WRN: variants seen among roughly 807,000 people sequenced by gnomAD.
The protein encoded by WRN is WRN RecQ like helicase.
WRN carries 149 observed loss-of-function variants against 180.7 expected under a neutral mutation model. The ratio of observed to expected loss-of-function variants is 0.82; its 90% CI spans 0.72 to 0.94. The LOEUF (loss-of-function observed/expected upper bound fraction) is 0.94. Ranked by LOEUF, WRN falls within the 40% of genes least tolerant of loss-of-function variation. The pLI is 0.00. For synonymous variants in WRN, 548 were observed against 568.9 expected, an observed-to-expected ratio of 0.96 and a Z score of 0.52; for missense variants, 1,661 against 1,700.1, an observed-to-expected ratio of 0.98 and a Z score of 0.40.
At chr8:31,037,022 A>C (rs931769857) in intron 1 of WRN, among the ~76,000 whole-genome samples, 3 of 152,184 alleles carry the variant, frequency 2.0e-5, no homozygotes, top group African/African-American at 7.2e-5. Flanking sequence ...GTTTCAGGAT[A>C]TTTCAAGCGC....
intron 23 of WRN, among the ~76,000 whole-genome samples, chr8:31,130,090 G>A (rs1412430089): frequency 2.0e-5 from 3 of 150,838 alleles, no homozygotes; most frequent in Admixed American, 2.0e-4. Flanking sequence ...TTGGGAGACT[G>A]AGGAGAGAGG....
chr8:31,069,672 GATTTGAT>G (rs1812834854), intron 7 of WRN, among the ~76,000 whole-genome samples: 1 of 152,142 alleles, frequency 6.6e-6, no homozygotes, highest in African/African-American at 2.4e-5. Context: ...ATCATCTATG[GATTTGAT>G]ATCAGTGGGA....
At chr8:31,165,006 T>G (rs1803796302) in intron 33 of WRN, among the ~76,000 whole-genome samples, 1 of 152,106 alleles carries the variant, frequency 6.6e-6, no homozygotes, top group South Asian at 2.1e-4. Context: ...AATTTTTAAC[T>G]TATATCTAGA....
At chr8:31,168,487 T>C (rs1012681768) in intron 34 of WRN, among the ~76,000 whole-genome samples, 1 of 130,724 alleles carries the variant, frequency 7.6e-6, no homozygotes. Context: ...TCAGTAACAT[T>C]ACATGTCAAC....
chr8:31,137,699 T>C (rs1802450737), intron 24 of WRN, among the ~76,000 whole-genome samples: 1 of 152,128 alleles, frequency 6.6e-6, no homozygotes, highest in Non-Finnish European at 1.5e-5. Context: ...GATAAGTAAC[T>C]TGCCAGAGCT....
At chr8:31,035,100 C>A (rs1449650233) in intron 1 of WRN, among the ~76,000 whole-genome samples, 1 of 152,018 alleles carries the variant, frequency 6.6e-6, no homozygotes, top group Non-Finnish European at 1.5e-5. Context: ...ATTAATCCAA[C>A]AAATGTTTAT....
At chr8:31,039,587 G>A (rs2129907920) in intron 1 of WRN, among the ~76,000 whole-genome samples, 1 of 152,196 alleles carries the variant, frequency 6.6e-6, no homozygotes, top group Middle Eastern at 3.4e-3. Context: ...TCAATATGAT[G>A]TTGAAAAGCA....
In WRN at chr8:31,147,134, G is replaced by A. The variant is rs781501590; in HGVS notation, c.3459+6G>A. On this transcript the variant is annotated splice_donor_region_variant and intron_variant, in intron 29 of 34. Coordinates refer to ENST00000298139, the MANE Select transcript of WRN (RefSeq NM_000553.6). ...CACAAGAGCAGGAGACTCAGGTAAG[G>A]CTTTTGTAAAAAGGTAATTAGTTTA... The A allele has an allele frequency of 6.2e-7, 1 of 1,613,468 alleles. No homozygotes were observed. The highest frequency in any genetic ancestry group is 8.5e-7 in the Non-Finnish European group (1 of 1,179,504).
intron 5 of WRN, among the ~76,000 whole-genome samples, chr8:31,065,548 C>T (rs1812663857): frequency 6.6e-6 from 1 of 152,118 alleles, no homozygotes; most frequent in Non-Finnish European, 1.5e-5. Context: ...CATCCATGTC[C>T]CTGCAAAGGA....
chr8:31,093,878 T>A (rs1813854947), intron 16 of WRN, among the ~76,000 whole-genome samples: 1 of 152,230 alleles, frequency 6.6e-6, no homozygotes, highest in Admixed American at 6.5e-5. Context: ...TTTGTCTGAT[T>A]TAAATAATGC....
At chr8:31,092,200 A>T (rs1813774732) in intron 16 of WRN, among the ~76,000 whole-genome samples, 1 of 152,118 alleles carries the variant, frequency 6.6e-6, no homozygotes. Context: ...GGGCTATAAG[A>T]TTAGCATTGT....
At position 31,141,434 on chromosome 8, in the gene WRN, C is replaced by G; in HGVS notation, c.2972C>G (p.Ser991Cys). The part of the protein sequence containing the change: ...LPILFLRGSN[S>C]QRLADQYRRH... The stretch of plus-strand genomic sequence containing the variant: ...TGATTTTATTCCTAATTTCAGAATT[C>G]TCAGCGTCTTGCCGATCAATATCGC... The change falls in exon 25 of 35, where the codon TCT (serine) becomes TGT (cysteine). Residue 991 changes from serine to cysteine, a missense_variant. Ser to Cys is a moderately radical substitution (Grantham distance 112). Coordinates refer to ENST00000298139, the MANE Select transcript of WRN (RefSeq NM_000553.6). The G allele has an allele frequency of 6.2e-7, 1 of 1,614,036 alleles. No individual in the cohort carries two copies. The highest frequency in any genetic ancestry group is 1.1e-5 in the South Asian group (1 of 91,066).
At chr8:31,131,438 G>A (rs1280926518) in intron 23 of WRN, 1 of 152,368 alleles carries the variant, frequency 6.6e-6, no homozygotes, top group African/African-American at 2.4e-5. Flanking sequence ...TTACAGGCGT[G>A]AGCCACTGCG....
intron 3 of WRN, among the ~76,000 whole-genome samples, chr8:31,061,539 T>G (rs1358748354): frequency 2.6e-5 from 4 of 151,930 alleles, no homozygotes; most frequent in Non-Finnish European, 5.9e-5. Context: ...TTTTTTTTTT[T>G]TAATTAGGCA....
At chr8:31,131,373 C>G (rs545761788) in intron 23 of WRN, among the ~76,000 whole-genome samples, 109 of 152,084 alleles carry the variant, frequency 7.2e-4, no homozygotes, top group African/African-American at 2.6e-3. Flanking sequence ...CCAGGCTGGT[C>G]TTGAATGCCT....
intron 5 of WRN, among the ~76,000 whole-genome samples, chr8:31,066,738 C>T (rs1277219366): frequency 6.6e-6 from 1 of 151,902 alleles, no homozygotes; most frequent in Non-Finnish European, 1.5e-5. Context: ...CATATTTAGC[C>T]AAGTATTCAT....
chr8:31,154,519 G>A (rs1803294910), intron 31 of WRN, 105 bp from the exon 32 acceptor site: 2 of 1,323,658 alleles, frequency 1.5e-6, no homozygotes, highest in Non-Finnish European at 2.1e-6. Context: ...TGTTGCTTAT[G>A]GGTTTAACTT....
chr8:31,093,005 C>T (rs988545824), intron 16 of WRN, among the ~76,000 whole-genome samples: 1 of 152,066 alleles, frequency 6.6e-6, no homozygotes, highest in Non-Finnish European at 1.5e-5. Context: ...AGTACAGTGG[C>T]GCAATCATAG....
chr8:31,091,309 C>T (rs775918077), intron 15 of WRN, among the ~76,000 whole-genome samples: 9 of 152,032 alleles, frequency 5.9e-5, no homozygotes, highest in Non-Finnish European at 1.0e-4. Context: ...GCTTCTTCAA[C>T]CTGAGCTTGC....
Sources: gnomAD v4.1 joint callset for allele counts (sites outside exome capture counted in the v4.1 genomes callset) on GRCh38, gnomAD v4.1.1 for gene constraint, MANE v1.5 for transcripts, NCBI Gene and HGNC (gene_info 2026-07-23, HGNC 2026-07-21) for gene names.